The following TDRD10 variants were observed in gnomAD, a reference collection of about 807,000 sequenced individuals.
TDRD10 encodes tudor domain containing 10.
Under a neutral mutation model 48.0 loss-of-function variants are expected in TDRD10, and 40 were observed. The ratio of observed to expected loss-of-function variants is 0.83; its 90% confidence interval spans 0.65 to 1.09. The LOEUF (loss-of-function observed/expected upper bound fraction) is 1.09. TDRD10 is among the 50% of genes least tolerant of loss of function. The pLI is 0.00. For synonymous variants in TDRD10, 162 were observed against 170.4 expected, an observed-to-expected ratio of 0.95 and a Z score of 0.38; for missense variants, 378 against 434.7, an observed-to-expected ratio of 0.87 and a Z score of 1.16.
chr1:154,525,861 A>G (rs1694283537), intron 6 of TDRD10, among the ~76,000 whole-genome samples: 1 of 136,572 alleles, frequency 7.3e-6, no homozygotes, highest in Admixed American at 8.4e-5. Flanking sequence ...GTGCCACTGC[A>G]CTCCAGCCTG....
intron 11 of TDRD10, among the ~76,000 whole-genome samples, chr1:154,545,447 T>C (rs894133297): frequency 2.6e-5 from 4 of 152,174 alleles, no homozygotes; most frequent in Admixed American, 2.6e-4. Context: ...AGAGGCCCCT[T>C]CTCAAGATCG....
intron 9 of TDRD10, 21 bp from the exon 10 acceptor site, chr1:154,544,351 G>C: frequency 6.4e-7 from 1 of 1,567,374 alleles, no homozygotes; most frequent in South Asian, 1.2e-5. Flanking sequence ...CAGTGGGGCC[G>C]TTGCGTTTTG....
chr1:154,545,383 A>G (rs926831994), intron 11 of TDRD10, among the ~76,000 whole-genome samples: 1 of 152,146 alleles, frequency 6.6e-6, no homozygotes, highest in Non-Finnish European at 1.5e-5. Context: ...GCACTCTCCT[A>G]ATGTGATTCA....
chr1:154,538,813 AC>A (rs759809642), intron 6 of TDRD10, among the ~76,000 whole-genome samples: 4 of 99,652 alleles, frequency 4.0e-5, no homozygotes, highest in African/African-American at 6.6e-5. Flanking sequence ...AGATTGCATC[AC>A]TGCACTCCAG....
rs1165474786 is a variant in TDRD10 at position 154,528,078 on chromosome 1, T to C, written c.369+6599T>C. On this transcript the variant is annotated intron_variant, in intron 6 of 12. Transcript: ENST00000368482. ...TTTGTTTCTTTGTTTTCCTGAGGCTTACTTGAACATTTTTTAGAATTCCAT... is the reference window on the plus strand; with the variant it reads ...TTTGTTTCTTTGTTTTCCTGAGGCTCACTTGAACATTTTTTAGAATTCCAT... Among the ~76,000 whole-genome samples the C allele has an allele frequency of 2.0e-5, 3 of 152,280 alleles. No individual in the cohort carries two copies. The East Asian group carries it at 5.8e-4, about 29-fold the overall frequency.
In TDRD10 at chr1:154,544,082, C is replaced by T. The variant is rs539002486; in HGVS notation, c.623C>T (p.Pro208Leu). ...LLVTSIVPKTPFFWAMHVTEA... is the reference protein window; with the variant it reads ...LLVTSIVPKTLFFWAMHVTEA... ...GTGACGAGTATCGTCCCGAAGACCC[C>T]GTTTTTCTGGGCTATGCACGTCACT... The change falls in exon 9 of 13, where the codon CCG becomes CTG. Residue 208 changes from proline to leucine, a missense_variant. Transcript: ENST00000368482. The T allele has an allele frequency of 1.7e-5, 28 of 1,614,128 alleles. No homozygotes were observed. Among genetic ancestry groups the T allele is most frequent in the South Asian group, 5.5e-5 (5 of 91,074 alleles).
intron 11 of TDRD10, among the ~76,000 whole-genome samples, chr1:154,547,180 C>T (rs931691336): frequency 5.9e-5 from 9 of 152,188 alleles, no homozygotes; most frequent in African/African-American, 1.9e-4. Flanking sequence ...AGTGCCTCCT[C>T]CCTTTATCTG....
intron 3 of TDRD10, among the ~76,000 whole-genome samples, chr1:154,507,753 C>T (rs1693228208): frequency 6.6e-6 from 1 of 152,170 alleles, no homozygotes; most frequent in South Asian, 2.1e-4. Flanking sequence ...TTTCTAGCCT[C>T]CTCTCTCACC....
rs58881140 is a variant in TDRD10, at chr1:154,542,717, C to T, written c.413-14C>T. ...AGTTCTGGTGCCTCCAGGACTTAGT[C>T]TTCTGCTTTCTAGCTATTATACAGC... On this transcript the variant is annotated splice_polypyrimidine_tract_variant and intron_variant, in intron 7 of 12. Coordinates refer to ENST00000368482, the MANE Select transcript of TDRD10 (RefSeq NM_182499.4). 0.2 allele frequency: 321,974 copies of T among 1,609,842 alleles called. 33,490 individuals carry two copies. Among genetic ancestry groups the T allele is most frequent in the South Asian group, 0.23 (21,160 of 90,742 alleles).
intron 4 of TDRD10, among the ~76,000 whole-genome samples, chr1:154,518,955 A>C (rs1049724957): frequency 1.3e-5 from 2 of 152,222 alleles, no homozygotes; most frequent in African/African-American, 4.8e-5. Context: ...ATGGCTTTGC[A>C]CAATATAATG....
At chr1:154,508,588 A>G (rs1047252032) in intron 4 of TDRD10, 107 bp downstream of exon 4, 10 of 779,042 alleles carry the variant, frequency 1.3e-5, no homozygotes, top group Middle Eastern at 2.3e-4. Context: ...TTTGAGAGCT[A>G]TGATAGTGCA....
intron 6 of TDRD10, among the ~76,000 whole-genome samples, chr1:154,528,447 A>G (rs1694429070): frequency 6.6e-6 from 1 of 151,946 alleles, no homozygotes; most frequent in Non-Finnish European, 1.5e-5. Flanking sequence ...GCTGGTCTAG[A>G]ACTCCTGACC....
At position 154,511,773 on chromosome 1, in the gene TDRD10, G is replaced by A. The variant is rs534867160; in HGVS notation, c.141+3292G>A. 2.2e-4 allele frequency among the ~76,000 whole-genome samples: 33 copies of A among 152,164 alleles called. No individual in the cohort carries two copies. In the East Asian group the frequency reaches 6.0e-3, roughly 28 times the overall value. The stretch of plus-strand genomic sequence containing the variant: ...TGAGGCAGGGGAATCACTTCAACCC[G>A]GGAGCTGGAGGTTGCAATGAGCCGA... On this transcript the variant is annotated intron_variant, in intron 4 of 12. Transcript: ENST00000368482.
chr1:154,507,773 A>T (rs1303701331), intron 3 of TDRD10, among the ~76,000 whole-genome samples: 1 of 152,122 alleles, frequency 6.6e-6, no homozygotes, highest in Admixed American at 6.6e-5. Flanking sequence ...CACTCACTGC[A>T]TGCAGTGTGC....
chr1:154,528,699 C>T (rs1348735340), intron 6 of TDRD10, among the ~76,000 whole-genome samples: 3 of 151,844 alleles, frequency 2.0e-5, no homozygotes, highest in African/African-American at 7.3e-5. Flanking sequence ...GCCTGTAATC[C>T]CAGCTACTCG....
chr1:154,527,692 T>A (rs534217544), intron 6 of TDRD10, among the ~76,000 whole-genome samples: 106 of 151,922 alleles, frequency 7.0e-4, no homozygotes, highest in African/African-American at 2.5e-3. Context: ...TCTTTGAAAG[T>A]TGATGTATAA....
At chr1:154,542,637 T>A in intron 7 of TDRD10, 94 bp from the exon 8 acceptor site, 1 of 953,254 alleles carries the variant, frequency 1.0e-6, no homozygotes, top group Non-Finnish European at 1.6e-6. Context: ...TTATGCTTCC[T>A]TGGAGGGCAG....
At chr1:154,507,391 C>T (rs962895971) in intron 3 of TDRD10, 71 bp downstream of exon 3, 2 of 1,536,086 alleles carry the variant, frequency 1.3e-6, no homozygotes, top group Admixed American at 3.6e-5. Flanking sequence ...TTAATGGTTC[C>T]CAGTCTGCCC....
intron 11 of TDRD10, among the ~76,000 whole-genome samples, chr1:154,546,852 G>A (rs1695619841): frequency 1.3e-5 from 2 of 152,168 alleles, no homozygotes; most frequent in South Asian, 4.1e-4. Context: ...GCAAGAAAAT[G>A]GCATAGCTGG....
Sources: allele counts gnomAD v4.1 joint callset (sites outside exome capture counted in the v4.1 genomes callset), GRCh38; gene constraint gnomAD v4.1.1; transcripts MANE v1.5; gene names NCBI Gene and HGNC (gene_info 2026-07-23, HGNC 2026-07-21).